Variants in TGFBR2 observed in about 807,000 individuals in gnomAD.
TGFBR2 encodes the protein transforming growth factor beta receptor 2.
A neutral mutation model predicts 49.0 loss-of-function variants in TGFBR2; 18 were observed. The ratio of observed to expected loss-of-function variants is 0.37; its 90% CI spans 0.25 to 0.54. The LOEUF (loss-of-function observed/expected upper bound fraction) is 0.54. TGFBR2 is among the 20% of genes least tolerant of loss of function. TGFBR2 has a pLI of 0.85. For missense variants in TGFBR2, 525 were observed against 722.6 expected, an observed-to-expected ratio of 0.73 and a Z score of 3.13; for synonymous variants, 282 against 275.9, an observed-to-expected ratio of 1.02 and a Z score of -0.22.
At chr3:30,690,397 G>A (rs895562342) in intron 6 of TGFBR2, among the ~76,000 whole-genome samples, 28 of 152,226 alleles carry the variant, frequency 1.8e-4, no homozygotes, top group Admixed American at 1.2e-3. Context: ...AGCTTGATTC[G>A]GTTAGGGTGA....
rs1327777379 is a variant in TGFBR2 at position 30,670,261 on chromosome 3, T to C, written c.455-1377T>C. The stretch of plus-strand genomic sequence containing the variant: ...TGCTACTGTGCCTTCCATGTTTCTC[T>C]AAGCTTTTCCACATTCCACTAATAT... On this transcript the variant is annotated intron_variant, in intron 3 of 6. Transcript: ENST00000295754. Among the ~76,000 whole-genome samples, 3 of 152,348 alleles carry C rather than the reference T, an allele frequency of 2.0e-5. No individual in the cohort carries two copies. The South Asian group carries it at 6.2e-4, about 32-fold the overall frequency.
chr3:30,663,127 A>G (rs4583693), intron 3 of TGFBR2, among the ~76,000 whole-genome samples: 29,613 of 152,156 alleles, frequency 0.19, 2,993 homozygotes, highest in Admixed American at 0.23. Context: ...TGATGGCAAG[A>G]TCTTTGAACT....
intron 3 of TGFBR2, among the ~76,000 whole-genome samples, chr3:30,663,659 T>G (rs1365884735): frequency 6.6e-6 from 1 of 152,002 alleles, no homozygotes; most frequent in Admixed American, 6.6e-5. Flanking sequence ...CCAGGAATAG[T>G]GATTACTTTT....
chr3:30,690,834 C>A (rs1699696487), intron 6 of TGFBR2, among the ~76,000 whole-genome samples: 4 of 152,130 alleles, frequency 2.6e-5, no homozygotes, highest in Admixed American at 2.6e-4. Context: ...TTTGTCAAAA[C>A]CCCTGGAATA....
chr3:30,627,114 T>TA (rs1698345565), intron 1 of TGFBR2, among the ~76,000 whole-genome samples: 3 of 152,164 alleles, frequency 2.0e-5, no homozygotes. Flanking sequence ...GGAAGCTCCT[T>TA]AGAGTGCCAG....
At chr3:30,627,451 C>A (rs909136757) in intron 1 of TGFBR2, among the ~76,000 whole-genome samples, 2 of 151,994 alleles carry the variant, frequency 1.3e-5, no homozygotes, top group African/African-American at 2.4e-5. Flanking sequence ...GCAATTGGTA[C>A]ACATGTGTAA....
In TGFBR2 at chr3:30,676,617, C is replaced by T. The variant is rs1699442861; in HGVS notation, c.1396+2371C>T. Among the ~76,000 whole-genome samples, 1 of 152,156 alleles carries T rather than the reference C, an allele frequency of 6.6e-6. No individual in the cohort carries two copies. The highest frequency in any genetic ancestry group is 1.5e-5 in the Non-Finnish European group (1 of 68,024). ...GTTGCCACAGCTTGGGTCACTGGTC[C>T]AAACTACCCAACATTTTGCCCAAGG... On this transcript the variant is annotated intron_variant, in intron 5 of 6. Transcript: ENST00000295754. This position sits in a 1 kb window ranked among gnomAD's most constrained non-coding sequence, Gnocchi z 4.3.
intron 1 of TGFBR2, among the ~76,000 whole-genome samples, chr3:30,609,941 C>T (rs1309037361): frequency 1.3e-5 from 2 of 152,164 alleles, no homozygotes; most frequent in African/African-American, 4.8e-5. Context: ...TTCAATGTAG[C>T]ATTCCCTAAT....
At chr3:30,629,347 G>C (rs938106117) in intron 1 of TGFBR2, among the ~76,000 whole-genome samples, 3 of 152,196 alleles carry the variant, frequency 2.0e-5, no homozygotes, top group African/African-American at 7.2e-5. Context: ...TCTTGGGAGA[G>C]TTCTCTTGGC....
At chr3:30,625,065 A>T (rs893523105) in intron 1 of TGFBR2, among the ~76,000 whole-genome samples, 2 of 152,324 alleles carry the variant, frequency 1.3e-5, no homozygotes, top group Non-Finnish European at 2.9e-5. Flanking sequence ...GTCTTCTGGA[A>T]TAATACCTTT....
At chr3:30,626,183 G>A (rs551928089) in intron 1 of TGFBR2, among the ~76,000 whole-genome samples, 23 of 152,308 alleles carry the variant, frequency 1.5e-4, no homozygotes, top group Admixed American at 7.2e-4. Flanking sequence ...AATTTCACCA[G>A]AGAGGTCAAA....
rs2125409767 is a variant in TGFBR2 at position 30,650,267 on chromosome 3, T to C, written c.264-3T>C. The C allele has an allele frequency of 6.2e-7, 1 of 1,613,784 alleles. No homozygotes were observed. The highest frequency in any genetic ancestry group is 8.5e-7 in the Non-Finnish European group (1 of 1,179,794). ...TCGCTTCCAATGAATCTCTTCACTC[T>C]AGGAGAAAGAATGACGAGAACATAA... On this transcript the variant is annotated splice_polypyrimidine_tract_variant and splice_region_variant and intron_variant, in intron 2 of 6. Coordinates refer to ENST00000295754, the MANE Select transcript of TGFBR2 (RefSeq NM_003242.6).
intron 3 of TGFBR2, among the ~76,000 whole-genome samples, chr3:30,651,191 T>C (rs1415369935): frequency 6.6e-6 from 1 of 152,220 alleles, no homozygotes; most frequent in Non-Finnish European, 1.5e-5. Context: ...AAAAGTAGTA[T>C]ATGCTCGTCA....
chr3:30,614,927 A>C (rs1222624447), intron 1 of TGFBR2, among the ~76,000 whole-genome samples: 1 of 152,204 alleles, frequency 6.6e-6, no homozygotes, highest in Non-Finnish European at 1.5e-5. Context: ...TAAGAGAAAT[A>C]ATAATATCCA....
intron 1 of TGFBR2, among the ~76,000 whole-genome samples, chr3:30,625,450 A>G (rs1269091746): frequency 6.6e-6 from 1 of 152,186 alleles, no homozygotes; most frequent in Non-Finnish European, 1.5e-5. Flanking sequence ...CTTACTTTTA[A>G]TGTTGCCTTG....
At chr3:30,661,077 G>GAAAT (rs1204033887) in intron 3 of TGFBR2, among the ~76,000 whole-genome samples, 6 of 152,202 alleles carry the variant, frequency 3.9e-5, no homozygotes, top group Non-Finnish European at 7.3e-5. Flanking sequence ...AATAACTTAA[G>GAAAT]AAATGTACCT....
intron 1 of TGFBR2, among the ~76,000 whole-genome samples, chr3:30,613,542 G>GAC (rs1698070935): frequency 6.6e-6 from 1 of 152,010 alleles, no homozygotes; most frequent in Admixed American, 6.6e-5. Context: ...GAGAGAGAGA[G>GAC]AGAGAGAGAA....
intron 1 of TGFBR2, among the ~76,000 whole-genome samples, chr3:30,611,188 T>TG (rs1698022005): frequency 6.6e-6 from 1 of 152,222 alleles, no homozygotes; most frequent in African/African-American, 2.4e-5. Flanking sequence ...TCTCTGGCAG[T>TG]GCCTGACACA....
chr3:30,678,562 A>AAAT (rs1559469318), intron 5 of TGFBR2, among the ~76,000 whole-genome samples: 4 of 151,208 alleles, frequency 2.6e-5, no homozygotes, highest in Non-Finnish European at 4.4e-5. Flanking sequence ...AAAAAAAAAA[A>AAAT]AAAAAAGAGG....
Sources: gnomAD v4.1 joint callset for allele counts (sites outside exome capture counted in the v4.1 genomes callset) on GRCh38, gnomAD v4.1.1 for gene constraint, Gnocchi (gnomAD v3.1) non-coding constraint, MANE v1.5 for transcripts, NCBI Gene and HGNC (gene_info 2026-07-23, HGNC 2026-07-21) for gene names.